Variants in TUBGCP6 observed in about 807,000 individuals in gnomAD.
TUBGCP6 encodes gamma-tubulin complex component 6.
Under a neutral mutation model 175.8 loss-of-function variants are expected in TUBGCP6, and 161 were observed. The ratio of observed to expected loss-of-function variants is 0.92; its 90% CI spans 0.81 to 1.04. The LOEUF (loss-of-function observed/expected upper bound fraction) is 1.04. Ranked by LOEUF, TUBGCP6 falls within the 50% of genes least tolerant of loss-of-function variation. The pLI is 0.00. For missense variants in TUBGCP6, 2,572 were observed against 2,433.0 expected, an observed-to-expected ratio of 1.06 and a Z score of -1.20; for synonymous variants, 1,173 against 1,030.5, an observed-to-expected ratio of 1.14 and a Z score of -2.65.
At position 50,243,959 on chromosome 22, in the gene TUBGCP6, T is replaced by C. The variant is rs138048407; in HGVS notation, c.501A>G (p.Glu167=). The C allele has an allele frequency of 4.6e-5, 74 of 1,614,046 alleles. No homozygotes were observed. Among genetic ancestry groups the C allele is most frequent in the Non-Finnish European group, 6.2e-5 (73 of 1,180,056 alleles). Reference sequence around the variant, plus strand: ...GGATCATGCTGTGACACAAACACTCTTCTCTGGAGATCAGAGACTGAACGT... The same window carrying C: ...GGATCATGCTGTGACACAAACACTCCTCTCTGGAGATCAGAGACTGAACGT... ...EMDVQSLISR[E]ECLCHSMIQE... The change falls in exon 1 of 25, where the codon GAA becomes GAG. Residue 167 remains glutamate (E), a synonymous_variant. Transcript: ENST00000248846.
Position 50,220,578 on chromosome 22 carries a change from A to C in TUBGCP6, c.3781T>G (p.Ser1261Ala), listed in dbSNP as rs939363267. 1 of 1,595,662 alleles carries C rather than the reference A, an allele frequency of 6.3e-7. No homozygotes were observed. Among genetic ancestry groups the C allele is most frequent in the Non-Finnish European group, 8.5e-7 (1 of 1,173,690 alleles). Reference protein sequence around the residue: ...SLGEPVSDVVSTRPRWNTHVP... With the variant: ...SLGEPVSDVVATRPRWNTHVP... ...TGGGTGTTCCACCGTGGCCGGGTGGAAACCACATCCGACACAGGCTCCCCC... is the reference window on the plus strand; with the variant it reads ...TGGGTGTTCCACCGTGGCCGGGTGGCAACCACATCCGACACAGGCTCCCCC... Residue 1261 changes from serine (S) to alanine (A), a missense_variant, in exon 16 of 25, where the codon TCC becomes GCC. Transcript: ENST00000248846.
chr22:50,233,027 T>C (rs2064713996), intron 3 of TUBGCP6, among the ~76,000 whole-genome samples: 1 of 152,216 alleles, frequency 6.6e-6, no homozygotes, highest in African/African-American at 2.4e-5. Flanking sequence ...GCCTGGCACT[T>C]CAGGACGGAA....
chr22:50,233,482 C>T lies in TUBGCP6; in HGVS notation c.950G>A (p.Arg317Lys), dbSNP rs778164734. The T allele has an allele frequency of 1.2e-6, 2 of 1,611,464 alleles. No individual in the cohort carries two copies. Among genetic ancestry groups the T allele is most frequent in the South Asian group, 2.2e-5 (2 of 90,596 alleles). Residue 317 changes from arginine to lysine, a missense_variant, in exon 3 of 25, where the codon AGG becomes AAG. By Grantham distance (26) the Arg-to-Lys change is conservative. Coordinates refer to ENST00000248846, the MANE Select transcript of TUBGCP6 (RefSeq NM_020461.4). ...REEPYLTEAG[R>K]DAFDKFCRLH... ...CCTGCAGAACTTGTCGAAAGCGTCC[C>T]TTCCCGCCTCCGTCAGGTAAGGCTC...
Position 50,220,325 on chromosome 22 carries a change from TC to T in TUBGCP6, c.4033del (p.Glu1345ArgfsTer25), listed in dbSNP as rs765831013. 1 of 1,574,810 alleles carries T rather than the reference TC, an allele frequency of 6.3e-7. No homozygotes were observed. The highest frequency in any genetic ancestry group is 8.6e-7 in the Non-Finnish European group (1 of 1,156,740). ...GGTGGGAGCCACGTCTGACACGTTC[TC>T]CCCCACGCTGATGCTCCCCTCCCCG... ...GCGEGSISVG[E>X]NVSDVAPTQP... On this transcript the variant is annotated frameshift_variant, in exon 16 of 25. Coordinates refer to ENST00000248846, the MANE Select transcript of TUBGCP6 (RefSeq NM_020461.4). LOFTEE classifies it high-confidence loss of function.
chr22:50,227,800 T>C, intron 5 of TUBGCP6, 107 bp downstream of exon 5: 1 of 1,460,240 alleles, frequency 6.8e-7, no homozygotes, highest in African/African-American at 1.4e-5. Flanking sequence ...CTGAGGGCTG[T>C]TCTCACAGGC....
In TUBGCP6 at chr22:50,244,444, G is replaced by T; in HGVS notation, c.16C>A (p.Gln6Lys). The change falls in exon 1 of 25, where the codon CAG (glutamine) becomes AAG (lysine). Residue 6 changes from glutamine (Q) to lysine (K), a missense_variant. Physicochemically the swap from Gln to Lys is moderately conservative, Grantham distance 53. Coordinates refer to ENST00000248846, the MANE Select transcript of TUBGCP6 (RefSeq NM_020461.4). ...GCCTCACACAGGTCGTCGAACAGCT[G>T]CGTGATGCTGGCCATGCCCCTTCTC... The part of the protein sequence containing the change: MASIT[Q>K]LFDDLCEALL... The T allele has an allele frequency of 1.2e-6, 2 of 1,611,708 alleles. No homozygotes were observed. Among genetic ancestry groups the T allele is most frequent in the Non-Finnish European group, 1.7e-6 (2 of 1,179,392 alleles).
chr22:50,226,656 G>A lies in TUBGCP6; in HGVS notation c.1601+77C>T. The A allele has an allele frequency of 3.2e-6, 4 of 1,262,640 alleles. No homozygotes were observed. In the African/African-American group the frequency reaches 4.4e-5, roughly 14 times the overall value. 78.2% of individuals were successfully genotyped at this position (1,262,640 alleles called of 1,614,324 possible). A position where few individuals can be genotyped will look rare whatever the true frequency, so the allele number is the denominator to read the frequency against. ...TGTGTGACCCCCACATTCAGCAGGTGTCTGACAAGGGACCGCTCTCAAGTG... is the reference window on the plus strand; with the variant it reads ...TGTGTGACCCCCACATTCAGCAGGTATCTGACAAGGGACCGCTCTCAAGTG... On this transcript the variant is annotated intron_variant, in intron 7 of 24. Transcript: ENST00000248846.
In TUBGCP6 at chr22:50,240,264, A is replaced by G. The variant is rs764889871; in HGVS notation, c.845T>C (p.Leu282Pro). 2 of 1,613,984 alleles carry G rather than the reference A, an allele frequency of 1.2e-6. No homozygotes were observed. Among genetic ancestry groups the G allele is most frequent in the Non-Finnish European group, 1.7e-6 (2 of 1,180,032 alleles). The change falls in exon 2 of 25, where the codon CTG (leucine) becomes CCG (proline). Residue 282 changes from leucine to proline, a missense_variant. Physicochemically the swap from Leu to Pro is moderately conservative, Grantham distance 98. Transcript: ENST00000248846. ...SEPSVTPDVDLWEAALTYEAS... is the reference protein window; with the variant it reads ...SEPSVTPDVDPWEAALTYEAS... ...CTCATAGGTAAGTGCGGCTTCCCAC[A>G]GGTCCACGTCTGGGGTCACGCTGGG...
At chr22:50,224,108 G>A in intron 13 of TUBGCP6, 33 bp downstream of exon 13, 2 of 1,600,026 alleles carry the variant, frequency 1.2e-6, no homozygotes, top group Non-Finnish European at 1.7e-6. Context: ...CTGCCGCACT[G>A]CACCCCTGGG....
chr22:50,242,141 A>G (rs114610861), intron 1 of TUBGCP6, among the ~76,000 whole-genome samples: 1 of 152,204 alleles, frequency 6.6e-6, no homozygotes, highest in African/African-American at 2.4e-5. Flanking sequence ...ATATACAAAA[A>G]ATTCGCAGGG....
rs756253050 is a variant in TUBGCP6, at chr22:50,225,903, G to A, written c.1874C>T (p.Ser625Leu). 1.8e-5 allele frequency: 29 copies of A among 1,613,742 alleles called. No individual in the cohort carries two copies. Among genetic ancestry groups the A allele is most frequent in the East Asian group, 6.7e-5 (3 of 44,866 alleles). The change falls in exon 10 of 25, where the codon TCG (serine) becomes TTG (leucine). Residue 625 changes from serine (S) to leucine (L), a missense_variant. Physicochemically the swap from Ser to Leu is moderately radical, Grantham distance 145 (BLOSUM62 -2). Coordinates refer to ENST00000248846, the MANE Select transcript of TUBGCP6 (RefSeq NM_020461.4). ...CWSDVPVPRI[S>L]VIFSLEELKE... ...CAACTCCTCAAGGGAGAAAATCACC[G>A]AGATCCGGGGGACAGGGACGTCGGA...
chr22:50,233,902 AT>A (rs1164743323), intron 2 of TUBGCP6, among the ~76,000 whole-genome samples: 1 of 151,574 alleles, frequency 6.6e-6, no homozygotes, highest in Non-Finnish European at 1.5e-5. Context: ...ACAAAACAAG[AT>A]TTGTACACCC....
In TUBGCP6 at chr22:50,217,923, AAG is replaced by A. The variant is rs752292582; in HGVS notation, c.5361_5362del (p.Phe1788GlnfsTer42). On this transcript the variant is annotated frameshift_variant, in exon 24 of 25. Transcript: ENST00000248846. LOFTEE classifies it high-confidence loss of function. ...CCAGCCAGGGTGGGCCTCACCTTTGAAGAGAAAGTGGGAGTAGTACTTGAAGG... is the reference window on the plus strand; with the variant it reads ...CCAGCCAGGGTGGGCCTCACCTTTGAAGAAAGTGGGAGTAGTACTTGAAGG... 1 of 1,605,606 alleles carries A rather than the reference AAG, an allele frequency of 6.2e-7. No homozygotes were observed. The highest frequency in any genetic ancestry group is 1.1e-5 in the South Asian group (1 of 90,622).
rs961281716 is a variant in TUBGCP6, at chr22:50,219,055, G to A, written c.4626+13C>T. On this transcript the variant is annotated intron_variant, in intron 20 of 24. Coordinates refer to ENST00000248846, the MANE Select transcript of TUBGCP6 (RefSeq NM_020461.4). ...CCCTCTACCACTGGCCCCACCCCGT[G>A]TCCGGAGGCCACCTTCTCAAAGAGC... 3.7e-6 allele frequency: 6 copies of A among 1,611,314 alleles called. No individual in the cohort carries two copies. The highest frequency in any genetic ancestry group is 2.2e-5 in the South Asian group (2 of 90,982).
At chr22:50,242,311 T>TA (rs1157410655) in intron 1 of TUBGCP6, among the ~76,000 whole-genome samples, 1 of 148,868 alleles carries the variant, frequency 6.7e-6, no homozygotes, top group Non-Finnish European at 1.5e-5. Context: ...TCAAATAAAA[T>TA]AAAAAAATAA....
chr22:50,219,498 C>A (rs1368333732), intron 18 of TUBGCP6, 42 bp from the exon 19 acceptor site: 1 of 1,595,206 alleles, frequency 6.3e-7, no homozygotes, highest in African/African-American at 1.3e-5. Flanking sequence ...ACCGGCCAGC[C>A]CAGGGCTCCG....
At chr22:50,228,504 G>A (rs2064647626) in intron 4 of TUBGCP6, among the ~76,000 whole-genome samples, 1 of 152,186 alleles carries the variant, frequency 6.6e-6, no homozygotes, top group South Asian at 2.1e-4. Flanking sequence ...CGCCACAGCA[G>A]CAGGCCCTGC....
At position 50,220,765 on chromosome 22, in the gene TUBGCP6, C is replaced by CA; in HGVS notation, c.3593dup (p.Leu1198PhefsTer23). On this transcript the variant is annotated frameshift_variant, in exon 16 of 25. Transcript: ENST00000248846. LOFTEE classifies it high-confidence loss of function. ...GAGCCATGTCTGACACAGACTCCCC[C>CA]AAGCTGATGCTGGCATCAGACACGT... is the stretch of plus-strand genomic sequence containing the variant. The CA allele has an allele frequency of 1.3e-6, 2 of 1,577,108 alleles. No homozygotes were observed. Among genetic ancestry groups the CA allele is most frequent in the Non-Finnish European group, 1.7e-6 (2 of 1,166,310 alleles).
At position 50,218,684 on chromosome 22, in the gene TUBGCP6, G is replaced by C; in HGVS notation, c.4821+19C>G. 6.2e-7 allele frequency: 1 copy of C among 1,613,372 alleles called. No homozygotes were observed. The highest frequency in any genetic ancestry group is 1.3e-5 in the African/African-American group (1 of 75,030). On this transcript the variant is annotated intron_variant, in intron 21 of 24. Transcript: ENST00000248846. ...GGCAGGCCCCTGTCCCATCCCCCGC[G>C]GCCAGGGCTGCTGCTGACCTTGTAC...
Sources: allele counts gnomAD v4.1 joint callset (sites outside exome capture counted in the v4.1 genomes callset), GRCh38; gene constraint gnomAD v4.1.1; transcripts MANE v1.5; gene names NCBI Gene and HGNC (gene_info 2026-07-23, HGNC 2026-07-21).